Variants in TCF12 observed in about 807,000 individuals in gnomAD.
TCF12 encodes transcription factor 12, also known as DNA-binding protein HTF4.
A neutral mutation model predicts 86.0 loss-of-function variants in TCF12; 45 were observed. That is an observed-to-expected ratio of 0.52 (90% confidence interval 0.41 to 0.67). The LOEUF is 0.67. TCF12 is among the 30% of genes least tolerant of loss of function. The probability of loss-of-function intolerance (pLI) is 0.00; values close to 1 mark genes in which losing one functional copy is unlikely to be tolerated. For synonymous variants in TCF12, 330 were observed against 299.6 expected (o/e 1.10, Z -1.05); for missense variants, 881 against 859.9 (o/e 1.02, Z -0.31).
At position 57,096,119 on chromosome 15, in the gene TCF12, T is replaced by G. The variant is rs2049304300; in HGVS notation, c.325+4228T>G. On this transcript the variant is annotated intron_variant, in intron 5 of 20. Coordinates refer to ENST00000333725, the MANE Select transcript of TCF12 (RefSeq NM_207037.2). Reference sequence around the variant, plus strand: ...ACTAGCTCAGCATTTTCTTAAACCATGATTATGGAGACACTGATCTTGATG... The same window carrying G: ...ACTAGCTCAGCATTTTCTTAAACCAGGATTATGGAGACACTGATCTTGATG... 2.0e-5 allele frequency among the ~76,000 whole-genome samples: 3 copies of G among 152,308 alleles called. No homozygotes were observed. In the East Asian group the frequency reaches 5.8e-4, roughly 29 times the overall value.
chr15:57,161,586 A>G (rs926383334), intron 5 of TCF12, among the ~76,000 whole-genome samples: 1 of 152,184 alleles, frequency 6.6e-6, no homozygotes, highest in Non-Finnish European at 1.5e-5. Flanking sequence ...ATATGTTGCT[A>G]TTCTACTAGA....
At chr15:57,112,528 T>C (rs2050564418) in intron 5 of TCF12, among the ~76,000 whole-genome samples, 1 of 152,166 alleles carries the variant, frequency 6.6e-6, no homozygotes, top group Non-Finnish European at 1.5e-5. Context: ...GATTGCTGTA[T>C]AGCAATCTAA....
At chr15:57,160,293 C>T (rs1841697) in intron 5 of TCF12, among the ~76,000 whole-genome samples, 99,940 of 152,074 alleles carry the variant, frequency 0.66, 36,172 homozygotes, top group Non-Finnish European at 0.81. Context: ...TCCTTCTTCA[C>T]GTGGTGGCAG....
chr15:57,062,344 A>G (rs1183510400), intron 3 of TCF12, among the ~76,000 whole-genome samples: 1 of 152,124 alleles, frequency 6.6e-6, no homozygotes, highest in Non-Finnish European at 1.5e-5. Context: ...AGGAATGAAC[A>G]AAACACTGTT....
chr15:56,919,796 A>G (rs1177385071), intron 1 of TCF12, 96 bp from the exon 2 acceptor site: 8 of 1,104,602 alleles, frequency 7.2e-6, no homozygotes, highest in East Asian at 5.4e-5. Context: ...CGGCGCCCCC[A>G]GCGCTCTTGC....
intron 3 of TCF12, among the ~76,000 whole-genome samples, chr15:56,996,059 T>C (rs1209597434): frequency 1.3e-5 from 2 of 152,226 alleles, no homozygotes; most frequent in African/African-American, 4.8e-5. Context: ...GTTTTTGTTT[T>C]TAATTCTGTT....
At chr15:57,082,817 A>G (rs1420771285) in intron 4 of TCF12, among the ~76,000 whole-genome samples, 1 of 152,222 alleles carries the variant, frequency 6.6e-6, no homozygotes, top group African/African-American at 2.4e-5. Context: ...TAGATAATTG[A>G]CCCCAAGAGA....
intron 5 of TCF12, among the ~76,000 whole-genome samples, chr15:57,165,782 C>T (rs573116913): frequency 6.6e-5 from 10 of 152,198 alleles, no homozygotes; most frequent in South Asian, 2.1e-4. Context: ...GTGATCCGCC[C>T]GCCTTCGCCT....
At chr15:57,103,676 A>G (rs1251411471) in intron 5 of TCF12, among the ~76,000 whole-genome samples, 2 of 152,238 alleles carry the variant, frequency 1.3e-5, no homozygotes, top group African/African-American at 4.8e-5. Flanking sequence ...TATTTTATAA[A>G]GAAAAATTAA....
In TCF12 at chr15:56,930,396, G is replaced by A. The variant is rs552122037; in HGVS notation, c.148+9298G>A. Among the ~76,000 whole-genome samples, 7 of 152,318 alleles carry A rather than the reference G, an allele frequency of 4.6e-5. No homozygotes were observed. In the East Asian group the frequency reaches 1.3e-3, roughly 29 times the overall value. On this transcript the variant is annotated intron_variant, in intron 3 of 20. Coordinates refer to ENST00000333725, the MANE Select transcript of TCF12 (RefSeq NM_207037.2). ...TTGTGCCAAGGGTAAGAATCTTTGA[G>A]TTCTCCTGCAGGATCCTTTTAGGTT...
Position 57,232,826 on chromosome 15 carries a change from C to A in TCF12, c.940C>A (p.Pro314Thr). ...ACCTTACGTTGCTGCCTCACACACT[C>A]CTCCCATCAATGGATCAGACAGCAT... ...SSPYVAASHTPPINGSDSILG... is the reference protein window; with the variant it reads ...SSPYVAASHTTPINGSDSILG... The change falls in exon 11 of 21, where the codon CCT becomes ACT. Residue 314 changes from proline (P) to threonine (T), a missense_variant. This residue lies in a region of TCF12 where 766 missense variants were observed against 718.9 expected (regional missense o/e 1.07). Coordinates refer to ENST00000333725, the MANE Select transcript of TCF12 (RefSeq NM_207037.2). 4.4e-6 allele frequency: 7 copies of A among 1,608,676 alleles called. No individual in the cohort carries two copies. Among genetic ancestry groups the A allele is most frequent in the Non-Finnish European group, 4.2e-6 (5 of 1,177,488 alleles).
chr15:57,012,473 G>C (rs184890219), intron 3 of TCF12, among the ~76,000 whole-genome samples: 1 of 152,098 alleles, frequency 6.6e-6, no homozygotes, highest in Non-Finnish European at 1.5e-5. Context: ...ACTCTTGTAC[G>C]CCGCATTGAT....
intron 3 of TCF12, among the ~76,000 whole-genome samples, chr15:56,998,364 C>T (rs766641682): frequency 6.1e-5 from 9 of 148,642 alleles, no homozygotes; most frequent in East Asian, 2.0e-4. Context: ...AGCTGAGGCA[C>T]GAGAATTGCT....
chr15:57,052,403 A>T (rs2733178), intron 3 of TCF12, among the ~76,000 whole-genome samples: 39 of 151,498 alleles, frequency 2.6e-4, no homozygotes, highest in African/African-American at 8.7e-4. Flanking sequence ...TTTGGGAGGC[A>T]GAGGCAGGTG....
At chr15:57,217,151 A>G (rs1597381697) in intron 8 of TCF12, among the ~76,000 whole-genome samples, 1 of 152,286 alleles carries the variant, frequency 6.6e-6, no homozygotes, top group East Asian at 1.9e-4. Context: ...AGTAGAAGCA[A>G]AAGCTTTTAA....
In TCF12 at chr15:57,267,094, A is replaced by G. The variant is rs751123419; in HGVS notation, c.1745+3820A>G. On this transcript the variant is annotated intron_variant, in intron 18 of 20. Transcript: ENST00000333725. ...ATTTAGTATATTTGTGGTACACCCT[A>G]TTTCTTGGCATACATATTCATTTAT... 1.4e-4 allele frequency among the ~76,000 whole-genome samples: 22 copies of G among 152,172 alleles called. 1 individual carries two copies. The highest frequency in any genetic ancestry group is 6.3e-3 in the Middle Eastern group (2 of 316).
chr15:57,198,964 C>T (rs1942565296), intron 8 of TCF12, among the ~76,000 whole-genome samples: 1 of 152,124 alleles, frequency 6.6e-6, no homozygotes, highest in Non-Finnish European at 1.5e-5. Flanking sequence ...CCTTCTCTAC[C>T]GTGTGATACA....
Position 57,129,351 on chromosome 15 carries a change from A to G in TCF12, c.326-37051A>G, listed in dbSNP as rs556536857. On this transcript the variant is annotated intron_variant, in intron 5 of 20. Transcript: ENST00000333725. ...TGAGGCAGGCAGATGGCTTCAGCCT[A>G]GGAGTTCGAGACCAGCCTGGGCAAC... 1.1e-3 allele frequency among the ~76,000 whole-genome samples: 168 copies of G among 152,306 alleles called. 3 individuals are homozygous for G. The highest frequency in any genetic ancestry group is 7.5e-3 in the South Asian group (36 of 4,826).
At chr15:56,932,044 T>A (rs929134082) in intron 3 of TCF12, among the ~76,000 whole-genome samples, 7 of 152,176 alleles carry the variant, frequency 4.6e-5, no homozygotes, top group Admixed American at 4.6e-4. Flanking sequence ...TAATCCCTCT[T>A]CTCAAGCTTA....
Sources: gnomAD v4.1 joint callset for allele counts (sites outside exome capture counted in the v4.1 genomes callset) on GRCh38, gnomAD v4.1.1 for gene constraint, gnomAD v4.1.1 regional missense constraint, MANE v1.5 for transcripts, NCBI Gene and HGNC (gene_info 2026-07-23, HGNC 2026-07-21) for gene names.